The following PCCA variants were observed in gnomAD, a reference collection of about 807,000 sequenced individuals.
The protein encoded by PCCA is propionyl-CoA carboxylase alpha chain, mitochondrial.
In PCCA, 74 loss-of-function variants were observed where a neutral mutation model predicts 101.3. That is an observed-to-expected ratio of 0.73 (90% CI 0.61 to 0.89). The LOEUF (loss-of-function observed/expected upper bound fraction) is 0.89, where lower values mean the gene tolerates loss of function less well. PCCA is among the 40% of genes least tolerant of loss of function. PCCA has a pLI of 0.00. For synonymous variants in PCCA, 294 were observed against 313.6 expected, an observed-to-expected ratio of 0.94 and a Z score of 0.66; for missense variants, 891 against 907.0, an observed-to-expected ratio of 0.98 and a Z score of 0.23.
intron 21 of PCCA, among the ~76,000 whole-genome samples, chr13:100,457,312 A>G (rs922102488): frequency 6.6e-6 from 1 of 152,148 alleles, no homozygotes; most frequent in African/African-American, 2.4e-5. Flanking sequence ...TTTCACGCAC[A>G]CGTTCTGACT....
intron 21 of PCCA, among the ~76,000 whole-genome samples, chr13:100,505,789 C>A (rs988537622): frequency 6.6e-6 from 1 of 152,102 alleles, no homozygotes; most frequent in African/African-American, 2.4e-5. Flanking sequence ...ATCACTTGTG[C>A]CCAGGAGGTC....
intron 4 of PCCA, chr13:100,150,822 G>A: frequency 6.3e-7 from 1 of 1,583,986 alleles, no homozygotes; most frequent in African/African-American, 1.3e-5. Context: ...GCAAACTTTA[G>A]CTGGTTAACA....
intron 18 of PCCA, among the ~76,000 whole-genome samples, chr13:100,344,019 G>A (rs1318076547): frequency 1.3e-5 from 2 of 152,230 alleles, no homozygotes; most frequent in African/African-American, 4.8e-5. Context: ...AGGTTGCAGT[G>A]AGCCGAGATC....
intron 21 of PCCA, among the ~76,000 whole-genome samples, chr13:100,509,264 G>C (rs1039598256): frequency 5.9e-5 from 9 of 152,180 alleles, no homozygotes; most frequent in Admixed American, 2.6e-4. Flanking sequence ...TGTTCTCTGC[G>C]TAAAATGTTG....
rs150788587 is a variant in PCCA at position 100,155,006 on chromosome 13, G to A, written c.328G>A (p.Val110Ile). ...TCATGTGAAAATGGCGGATGAGGCT[G>A]TCTGTGTTGGCCCAGCTCCCACCAG... The part of the protein sequence containing the change: ...SVHVKMADEA[V>I]CVGPAPTSKS... Residue 110 changes from valine to isoleucine, a missense_variant, in exon 5 of 24, where the codon GTC becomes ATC. Val to Ile is a conservative substitution (Grantham distance 29, BLOSUM62 3). Coordinates refer to ENST00000376285, the MANE Select transcript of PCCA (RefSeq NM_000282.4). The A allele has an allele frequency of 6.2e-7, 1 of 1,614,056 alleles. No individual in the cohort carries two copies. Among genetic ancestry groups the A allele is most frequent in the South Asian group, 1.1e-5 (1 of 91,078 alleles).
At chr13:100,093,015 T>C (rs2046416968) in intron 1 of PCCA, among the ~76,000 whole-genome samples, 1 of 152,206 alleles carries the variant, frequency 6.6e-6, no homozygotes, top group Non-Finnish European at 1.5e-5. Flanking sequence ...CTAGTCCTTT[T>C]CTAAGAGGAA....
chr13:100,151,049 G>A, intron 4 of PCCA: 3 of 1,557,300 alleles, frequency 1.9e-6, no homozygotes, highest in Non-Finnish European at 2.7e-6. Flanking sequence ...CATGACATCA[G>A]ACTGCTGCTT....
intron 20 of PCCA, among the ~76,000 whole-genome samples, chr13:100,443,028 C>T (rs1294435254): frequency 1.3e-5 from 2 of 151,898 alleles, no homozygotes; most frequent in Non-Finnish European, 2.9e-5. Context: ...TGTTGTGGAG[C>T]GTTTGGAGGG....
chr13:100,481,456 G>C (rs554873423), intron 21 of PCCA, among the ~76,000 whole-genome samples: 1 of 152,176 alleles, frequency 6.6e-6, no homozygotes, highest in Non-Finnish European at 1.5e-5. Context: ...TACTCGGCAG[G>C]CTGAGGTGGG....
At chr13:100,238,298 C>T (rs919085581) in intron 8 of PCCA, among the ~76,000 whole-genome samples, 1 of 152,102 alleles carries the variant, frequency 6.6e-6, no homozygotes, top group African/African-American at 2.4e-5. Flanking sequence ...CATGATGGGC[C>T]TCTGTCTAAC....
chr13:100,491,700 G>A (rs760199028), intron 21 of PCCA: 2 of 1,303,460 alleles, frequency 1.5e-6, no homozygotes, highest in South Asian at 2.5e-5. Flanking sequence ...AGAAGGTGCT[G>A]CGGCCTGGTG....
chr13:100,357,827 C>T (rs1232377051), intron 18 of PCCA, among the ~76,000 whole-genome samples: 2 of 152,098 alleles, frequency 1.3e-5, no homozygotes, highest in Non-Finnish European at 2.9e-5. Flanking sequence ...GTCAGAACTG[C>T]TGGAAATTAA....
chr13:100,396,973 G>A lies in PCCA; in HGVS notation c.1746+28399G>A, dbSNP rs144582128. ...TTCCCTTTCTTCCACGATAGGGCGC[G>A]CACCTACACTGTTAGGGTATGGGGC... On this transcript the variant is annotated intron_variant, in intron 19 of 23. Coordinates refer to ENST00000376285, the MANE Select transcript of PCCA (RefSeq NM_000282.4). 4.1e-4 allele frequency among the ~76,000 whole-genome samples: 63 copies of A among 152,162 alleles called. No homozygotes were observed. The Middle Eastern group carries it at 0.014, about 33-fold the overall frequency.
chr13:100,266,552 C>T, intron 10 of PCCA, among the ~76,000 whole-genome samples: 1 of 152,276 alleles, frequency 6.6e-6, no homozygotes, highest in Non-Finnish European at 1.5e-5. Context: ...ATCCCTTTTA[C>T]TCTATTCTAA....
At chr13:100,188,295 A>AAAAAAAACAAAACG (rs2057458451) in intron 6 of PCCA, among the ~76,000 whole-genome samples, 2 of 29,498 alleles carry the variant, frequency 6.8e-5, no homozygotes, top group Non-Finnish European at 1.2e-4. Context: ...CTGTCTCAAA[A>AAAAAAAACAAAACG]AAACAAAACA....
intron 19 of PCCA, among the ~76,000 whole-genome samples, chr13:100,420,929 G>A (rs2078702766): frequency 6.6e-6 from 1 of 152,206 alleles, no homozygotes; most frequent in Middle Eastern, 3.2e-3. Context: ...ACTTTAGAGT[G>A]GATGTAGTGG....
chr13:100,137,764 G>A (rs1419586479), intron 4 of PCCA, among the ~76,000 whole-genome samples: 1 of 150,092 alleles, frequency 6.7e-6, no homozygotes, highest in Non-Finnish European at 1.5e-5. Flanking sequence ...ATATACTTGG[G>A]TCATATTTTG....
At chr13:100,173,066 T>G (rs2055865253) in intron 6 of PCCA, among the ~76,000 whole-genome samples, 1 of 152,214 alleles carries the variant, frequency 6.6e-6, no homozygotes, top group African/African-American at 2.4e-5. Context: ...TTTTGGTATC[T>G]AGCTTGCAGA....
chr13:100,307,709 G>A (rs1004111032), intron 15 of PCCA, among the ~76,000 whole-genome samples: 1 of 152,188 alleles, frequency 6.6e-6, no homozygotes, highest in African/African-American at 2.4e-5. Flanking sequence ...AAGTAGATGT[G>A]ATGTAAGAGT....
Sources: allele counts gnomAD v4.1 joint callset (sites outside exome capture counted in the v4.1 genomes callset), GRCh38; gene constraint gnomAD v4.1.1; transcripts MANE v1.5; gene names NCBI Gene and HGNC (gene_info 2026-07-23, HGNC 2026-07-21).